RAB11FIP2: variants seen among roughly 807,000 people sequenced by gnomAD.
RAB11FIP2 encodes rab11 family-interacting protein 2.
In RAB11FIP2, 16 loss-of-function variants were observed where a neutral mutation model predicts 40.9. The ratio of observed to expected loss-of-function variants is 0.39; its 90% CI spans 0.26 to 0.59. The LOEUF is 0.59. RAB11FIP2 is among the 20% of genes least tolerant of loss of function. The probability of loss-of-function intolerance (pLI) is 0.53; values close to 1 mark genes in which losing one functional copy is unlikely to be tolerated. For synonymous variants in RAB11FIP2, 228 were observed against 213.7 expected (o/e 1.07, Z -0.58); for missense variants, 532 against 606.2 (o/e 0.88, Z 1.28).
intron 3 of RAB11FIP2, among the ~76,000 whole-genome samples, chr10:118,027,347 GT>G (rs1210004036): frequency 4.6e-5 from 7 of 152,116 alleles, no homozygotes; most frequent in African/African-American, 1.7e-4. Flanking sequence ...GTATTTCAAT[GT>G]TTTCATGTTA....
intron 3 of RAB11FIP2, among the ~76,000 whole-genome samples, chr10:118,021,361 C>G (rs1156716329): frequency 6.6e-6 from 1 of 152,156 alleles, no homozygotes; most frequent in Non-Finnish European, 1.5e-5. Context: ...AAATCTTATA[C>G]CATAAAATCT....
At chr10:118,036,863 T>C (rs1279524517) in intron 3 of RAB11FIP2, among the ~76,000 whole-genome samples, 2 of 152,124 alleles carry the variant, frequency 1.3e-5, no homozygotes, top group Non-Finnish European at 2.9e-5. Context: ...AAAGCCTGGA[T>C]GTGTCAAAAT....
rs574923682 is a variant in RAB11FIP2 at position 118,015,654 on chromosome 10, T to C, written c.1266-544A>G. ...CTCGTTAATGTGATTTCTAAGTAGC[T>C]AGTCTTGAAAATTTAAATACTGAAA... is the stretch of plus-strand genomic sequence containing the variant. On this transcript the variant is annotated intron_variant, in intron 3 of 4. Transcript: ENST00000355624. Among the ~76,000 whole-genome samples the C allele has an allele frequency of 1.1e-4, 16 of 152,362 alleles. No homozygotes were observed. In the South Asian group the frequency reaches 3.3e-3, roughly 32 times the overall value.
At chr10:118,010,855 T>C (rs1448670810) in intron 4 of RAB11FIP2, among the ~76,000 whole-genome samples, 1 of 151,872 alleles carries the variant, frequency 6.6e-6, no homozygotes, top group Non-Finnish European at 1.5e-5. Flanking sequence ...CAACAGGTAA[T>C]CCAATAACAG....
chr10:118,041,502 CA>C (rs913183798), intron 1 of RAB11FIP2, among the ~76,000 whole-genome samples: 1 of 151,428 alleles, frequency 6.6e-6, no homozygotes, highest in Non-Finnish European at 1.5e-5. Context: ...GGAAAACAGC[CA>C]AAAAAAACTA....
At chr10:118,032,896 C>T (rs952153704) in intron 3 of RAB11FIP2, among the ~76,000 whole-genome samples, 4 of 151,998 alleles carry the variant, frequency 2.6e-5, no homozygotes, top group South Asian at 4.2e-4. Flanking sequence ...GCTATCAGGT[C>T]GCCTATTGCA....
chr10:118,015,809 C>T (rs189191199), intron 3 of RAB11FIP2, among the ~76,000 whole-genome samples: 24 of 152,260 alleles, frequency 1.6e-4, no homozygotes, highest in African/African-American at 5.8e-4. Context: ...ACTTCAAAGC[C>T]ATCTGATGAG....
intron 1 of RAB11FIP2, among the ~76,000 whole-genome samples, chr10:118,042,084 G>C (rs1846567248): frequency 6.6e-6 from 1 of 152,082 alleles, no homozygotes; most frequent in Non-Finnish European, 1.5e-5. Context: ...CAAAGTTTTG[G>C]AAAACAGAGC....
chr10:118,037,148 A>G (rs1394365403), intron 3 of RAB11FIP2, among the ~76,000 whole-genome samples: 1 of 152,152 alleles, frequency 6.6e-6, no homozygotes, highest in Admixed American at 6.6e-5. Context: ...ATTTCTATTT[A>G]CCCATATAAG....
Position 118,006,319 on chromosome 10 carries a change from CT to C in RAB11FIP2, c.*2678del, listed in dbSNP as rs1321971691. The C allele has an allele frequency of 6.6e-6, 1 of 152,498 alleles. No homozygotes were observed. The highest frequency in any genetic ancestry group is 1.5e-5 in the Non-Finnish European group (1 of 67,978). 9.4% of individuals were successfully genotyped at this position (152,498 alleles called of 1,614,324 possible). On this transcript the variant is annotated 3_prime_UTR_variant, in exon 5 of 5. Coordinates refer to ENST00000355624, the MANE Select transcript of RAB11FIP2 (RefSeq NM_014904.3). Reference sequence around the variant, plus strand: ...GATAGTCTTGAGATAAATATCAATTCTGTGATTTTAAAAAATCCTCTTGTTG... The same window carrying C: ...GATAGTCTTGAGATAAATATCAATTCGTGATTTTAAAAAATCCTCTTGTTG...
intron 3 of RAB11FIP2, among the ~76,000 whole-genome samples, chr10:118,023,830 G>C (rs1204876101): frequency 6.6e-6 from 1 of 152,096 alleles, no homozygotes; most frequent in African/African-American, 2.4e-5. Context: ...AGGGGCTCAC[G>C]CCTGTAATTT....
chr10:118,028,133 T>A (rs773783706), intron 3 of RAB11FIP2, among the ~76,000 whole-genome samples: 4 of 152,120 alleles, frequency 2.6e-5, no homozygotes, highest in Non-Finnish European at 5.9e-5. Context: ...ACACACAACA[T>A]TTGTGAAACA....
intron 3 of RAB11FIP2, among the ~76,000 whole-genome samples, chr10:118,029,685 A>T (rs1336539467): frequency 1.3e-5 from 2 of 152,146 alleles, no homozygotes; most frequent in African/African-American, 2.4e-5. Context: ...GGGCTAGAGT[A>T]GCACCACTGA....
intron 3 of RAB11FIP2, among the ~76,000 whole-genome samples, chr10:118,015,586 C>A (rs2133164022): frequency 6.6e-6 from 1 of 152,256 alleles, no homozygotes; most frequent in African/African-American, 2.4e-5. Flanking sequence ...TCAAACATTA[C>A]CCTATCAATA....
At position 118,007,763 on chromosome 10, in the gene RAB11FIP2, G is replaced by A. The variant is rs1486206713; in HGVS notation, c.*1235C>T. Reference sequence around the variant, plus strand: ...AATCCATGGAAGAAATCAGTATTTTGGGGGAGTGGACTTTAAAATAGAACA... The same window carrying A: ...AATCCATGGAAGAAATCAGTATTTTAGGGGAGTGGACTTTAAAATAGAACA... On this transcript the variant is annotated 3_prime_UTR_variant, in exon 5 of 5. Coordinates refer to ENST00000355624, the MANE Select transcript of RAB11FIP2 (RefSeq NM_014904.3). 1 of 151,982 alleles carries A rather than the reference G, an allele frequency of 6.6e-6. No homozygotes were observed. The highest frequency in any genetic ancestry group is 1.5e-5 in the Non-Finnish European group (1 of 67,944). 9.4% of individuals were successfully genotyped at this position (151,982 alleles called of 1,614,324 possible).
rs537830299 is a variant in RAB11FIP2, at chr10:118,007,298, C to T, written c.*1700G>A. ...ATTTTTCCTTCTCCATTTCTTAAAG[C>T]ATTTAATTTTTATGAAAAAAATGTT... On this transcript the variant is annotated 3_prime_UTR_variant, in exon 5 of 5. Coordinates refer to ENST00000355624, the MANE Select transcript of RAB11FIP2 (RefSeq NM_014904.3). The T allele has an allele frequency of 1.3e-5, 2 of 151,394 alleles. No individual in the cohort carries two copies. The highest frequency in any genetic ancestry group is 4.2e-4 in the South Asian group (2 of 4,780). The allele number at this position is 151,394 out of a possible 1,614,324, so 9.4% of individuals were successfully genotyped here.
In RAB11FIP2 at chr10:118,045,945, A is replaced by T; in HGVS notation, c.219T>A (p.Ile73=). The change falls in exon 1 of 5, where the codon ATT becomes ATA. Residue 73 remains isoleucine, a synonymous_variant. Transcript: ENST00000355624. ...GAATGTATTTCTCTGGACTTCCCTG[A>T]ATTAGCAATCCAGGTAGCTCGAAAG... The part of the protein sequence containing the change: ...EASFELPGLL[I]QGSPEKYILF... 1 of 1,614,222 alleles carries T rather than the reference A, an allele frequency of 6.2e-7. No individual in the cohort carries two copies. The highest frequency in any genetic ancestry group is 8.5e-7 in the Non-Finnish European group (1 of 1,180,032).
intron 3 of RAB11FIP2, among the ~76,000 whole-genome samples, chr10:118,032,305 G>A (rs2133176613): frequency 6.6e-6 from 1 of 152,128 alleles, no homozygotes; most frequent in Admixed American, 6.6e-5. Context: ...TCAATCCTGA[G>A]AAACAATTCA....
intron 1 of RAB11FIP2, among the ~76,000 whole-genome samples, chr10:118,041,674 T>G (rs1024663364): frequency 2.0e-5 from 3 of 152,184 alleles, no homozygotes; most frequent in Non-Finnish European, 4.4e-5. Flanking sequence ...TTACATTAGT[T>G]CTTTCTCTCA....
Sources: allele counts gnomAD v4.1 joint callset (sites outside exome capture counted in the v4.1 genomes callset), GRCh38; gene constraint gnomAD v4.1.1; transcripts MANE v1.5; gene names NCBI Gene and HGNC (gene_info 2026-07-23, HGNC 2026-07-21).